TC2N: variants seen among roughly 807,000 people sequenced by gnomAD.
TC2N encodes the protein tandem C2 domains, nuclear.
A neutral mutation model predicts 61.9 loss-of-function variants in TC2N; 51 were observed. The observed-to-expected ratio is 0.82, with a 90% CI of 0.66 to 1.04. The LOEUF (loss-of-function observed/expected upper bound fraction) is 1.04. Ranked by LOEUF, TC2N falls within the 50% of genes least tolerant of loss-of-function variation. The pLI is 0.00. For synonymous variants in TC2N, 204 were observed against 192.6 expected, an observed-to-expected ratio of 1.06 and a Z score of -0.49; for missense variants, 556 against 566.7, an observed-to-expected ratio of 0.98 and a Z score of 0.19.
chr14:91,860,787 T>C (rs996010646), intron 1 of TC2N, among the ~76,000 whole-genome samples: 7 of 152,230 alleles, frequency 4.6e-5, no homozygotes, highest in African/African-American at 1.7e-4. Flanking sequence ...GTTGCAGAGA[T>C]ACAGGTTGGT....
chr14:91,821,669 A>G lies in TC2N; in HGVS notation c.-56-7844T>C, dbSNP rs980402452. On this transcript the variant is annotated intron_variant, in intron 1 of 11. Coordinates refer to ENST00000435962, the MANE Select transcript of TC2N (RefSeq NM_001128596.3). The stretch of plus-strand genomic sequence containing the variant: ...ATGTACTAGATTTAATTGAAATTAA[A>G]AACTTTGTGCTTTAAAAGACACCAT... Among the ~76,000 whole-genome samples the G allele has an allele frequency of 5.9e-5, 9 of 152,084 alleles. No homozygotes were observed. The East Asian group carries it at 1.7e-3, about 29-fold the overall frequency.
chr14:91,849,946 G>A (rs1888340877), intron 1 of TC2N, among the ~76,000 whole-genome samples: 1 of 151,884 alleles, frequency 6.6e-6, no homozygotes, highest in Non-Finnish European at 1.5e-5. Flanking sequence ...CTACTCGGGA[G>A]GCTGAGGCAG....
At chr14:91,817,388 C>T (rs1015888270) in intron 1 of TC2N, among the ~76,000 whole-genome samples, 9 of 151,638 alleles carry the variant, frequency 5.9e-5, no homozygotes, top group African/African-American at 9.7e-5. Flanking sequence ...CCAAATCAAA[C>T]GAATAGTCTC....
intron 1 of TC2N, among the ~76,000 whole-genome samples, chr14:91,858,169 T>TTG (rs1888522187): frequency 6.7e-6 from 1 of 150,278 alleles, no homozygotes; most frequent in African/African-American, 2.4e-5. Context: ...TTTTTTTTTT[T>TTG]TTTGGTAAAG....
intron 1 of TC2N, among the ~76,000 whole-genome samples, chr14:91,816,292 T>G (rs776704964): frequency 6.6e-6 from 1 of 151,824 alleles, no homozygotes; most frequent in Admixed American, 6.6e-5. Flanking sequence ...GTCAAACTGA[T>G]GCTTAATACC....
chr14:91,810,216 C>G (rs1051579471), intron 3 of TC2N, among the ~76,000 whole-genome samples: 5 of 152,122 alleles, frequency 3.3e-5, no homozygotes, highest in African/African-American at 1.2e-4. Flanking sequence ...ACTCACTTAT[C>G]ACCAAGGAGA....
At chr14:91,828,835 T>C (rs547565809) in intron 1 of TC2N, among the ~76,000 whole-genome samples, 6 of 152,206 alleles carry the variant, frequency 3.9e-5, no homozygotes, top group Admixed American at 1.3e-4. Context: ...GACTACTACA[T>C]AGGTTGTAGG....
At chr14:91,852,527 T>C (rs1313874108) in intron 1 of TC2N, among the ~76,000 whole-genome samples, 3 of 152,196 alleles carry the variant, frequency 2.0e-5, no homozygotes, top group Admixed American at 6.5e-5. Flanking sequence ...TGTGAAAGAA[T>C]AGAGTATCAA....
intron 1 of TC2N, among the ~76,000 whole-genome samples, chr14:91,833,431 A>G (rs895528879): frequency 4.6e-5 from 7 of 152,294 alleles, no homozygotes; most frequent in South Asian, 2.1e-4. Flanking sequence ...TCTGTTTTAA[A>G]GCTTTACTGA....
At chr14:91,840,773 G>C (rs1888149199) in intron 1 of TC2N, among the ~76,000 whole-genome samples, 1 of 152,182 alleles carries the variant, frequency 6.6e-6, no homozygotes, top group Admixed American at 6.5e-5. Flanking sequence ...TTTGTAGTGA[G>C]AAGAGTTGCT....
At chr14:91,796,849 T>C (rs1178635213) in intron 8 of TC2N, among the ~76,000 whole-genome samples, 1 of 152,108 alleles carries the variant, frequency 6.6e-6, no homozygotes, top group Non-Finnish European at 1.5e-5. Flanking sequence ...ACTGTTATGG[T>C]AGCCCTAGGA....
chr14:91,801,122 A>C (rs938740277), intron 4 of TC2N, among the ~76,000 whole-genome samples: 15 of 151,722 alleles, frequency 9.9e-5, no homozygotes, highest in African/African-American at 3.6e-4. Context: ...AATTTTGTGA[A>C]TCACAGACGA....
At position 91,797,088 on chromosome 14, in the gene TC2N, T is replaced by C. The variant is rs1229159219; in HGVS notation, c.855+697A>G. On this transcript the variant is annotated intron_variant, in intron 8 of 11. Transcript: ENST00000435962. ...TAGTGTCAAGATAATTTCTAAGAAG[T>C]TGTATGTTCTAGAATACCTGTAAAA... Among the ~76,000 whole-genome samples the C allele has an allele frequency of 5.3e-5, 8 of 152,176 alleles. No homozygotes were observed. The East Asian group carries it at 1.5e-3, about 29-fold the overall frequency.
At chr14:91,858,883 A>C (rs1595280293) in intron 1 of TC2N, among the ~76,000 whole-genome samples, 1 of 152,136 alleles carries the variant, frequency 6.6e-6, no homozygotes, top group East Asian at 1.9e-4. Context: ...ATCCCATTCC[A>C]TATCCCTTCT....
At chr14:91,853,660 ACACAC>A (rs1888421110) in intron 1 of TC2N, among the ~76,000 whole-genome samples, 2 of 39,356 alleles carry the variant, frequency 5.1e-5, no homozygotes, top group African/African-American at 2.7e-4. Context: ...ACACACACAC[ACACAC>A]ACACACACAC....
intron 1 of TC2N, among the ~76,000 whole-genome samples, chr14:91,815,067 A>G (rs1006358029): frequency 6.6e-6 from 1 of 151,684 alleles, no homozygotes; most frequent in African/African-American, 2.4e-5. Context: ...ATAAATAAAA[A>G]CAGACTAGGA....
intron 6 of TC2N, 41 bp from the exon 7 acceptor site, chr14:91,798,440 A>G (rs1886032780): frequency 9.2e-7 from 1 of 1,091,998 alleles, no homozygotes; most frequent in Non-Finnish European, 1.4e-6. Context: ...ATGCCATGCA[A>G]TCCTTCTAAC....
chr14:91,788,451 A>C (rs774024049), intron 9 of TC2N, among the ~76,000 whole-genome samples: 2 of 152,232 alleles, frequency 1.3e-5, no homozygotes, highest in Admixed American at 1.3e-4. Context: ...TAAGAATAGG[A>C]ATAAAGTAGG....
chr14:91,835,323 C>T (rs1011320476), intron 1 of TC2N, among the ~76,000 whole-genome samples: 49 of 152,272 alleles, frequency 3.2e-4, no homozygotes, highest in African/African-American at 1.1e-3. Context: ...AATTTTTAAC[C>T]ATGCTGAAGT....
Sources: allele counts gnomAD v4.1 joint callset (sites outside exome capture counted in the v4.1 genomes callset), GRCh38; gene constraint gnomAD v4.1.1; transcripts MANE v1.5; gene names NCBI Gene and HGNC (gene_info 2026-07-23, HGNC 2026-07-21).